SAMD12: variants seen among roughly 807,000 people sequenced by gnomAD.
SAMD12 encodes sterile alpha motif domain containing 12.
Under a neutral mutation model 15.0 loss-of-function variants are expected in SAMD12, and 9 were observed. That is an observed-to-expected ratio of 0.60 (90% CI 0.36 to 1.05). SAMD12 has a LOEUF of 1.05. Ranked by LOEUF, SAMD12 falls within the 50% of genes least tolerant of loss-of-function variation. The pLI is 0.01. For synonymous variants in SAMD12, 86 were observed against 90.1 expected, an observed-to-expected ratio of 0.96 and a Z score of 0.25; for missense variants, 230 against 234.2, an observed-to-expected ratio of 0.98 and a Z score of 0.12.
chr8:118,566,114 G>T (rs1826838951), intron 2 of SAMD12, among the ~76,000 whole-genome samples: 1 of 152,164 alleles, frequency 6.6e-6, no homozygotes, highest in Admixed American at 6.6e-5. Context: ...TGCACTAGGT[G>T]TAAAATTCAG....
At chr8:118,178,219 T>C in the SAMD12 span, among the ~76,000 whole-genome samples, 4 of 152,204 alleles carry the variant, frequency 2.6e-5, no homozygotes, top group Admixed American at 6.5e-5. Flanking sequence ...AAAACCTAAA[T>C]TGAGGTTATT....
Position 118,550,046 on chromosome 8 carries a change from G to A in SAMD12, c.192+30669C>T, listed in dbSNP as rs923811443. 1.1e-4 allele frequency among the ~76,000 whole-genome samples: 16 copies of A among 152,276 alleles called. No individual in the cohort carries two copies. The East Asian group carries it at 1.3e-3, about 13-fold the overall frequency. ...GACTATGTGAAAAGACCAAATCTAC[G>A]ACTGATTGGTGTACCTGAAAGTGAC... On this transcript the variant is annotated intron_variant, in intron 2 of 3. Transcript: ENST00000314727.
chr8:118,250,558 AG>A (rs1168975345), intron 4 of SAMD12, among the ~76,000 whole-genome samples: 1 of 150,748 alleles, frequency 6.6e-6, no homozygotes, highest in Non-Finnish European at 1.5e-5. Context: ...GCTGGAGTGC[AG>A]TGGTGCAATC....
intron 4 of SAMD12, among the ~76,000 whole-genome samples, chr8:118,218,864 T>G (rs968575286): frequency 1.3e-5 from 2 of 152,212 alleles, no homozygotes; most frequent in African/African-American, 4.8e-5. Context: ...CCATGAATCC[T>G]AAAGCACTTA....
intron 2 of SAMD12, among the ~76,000 whole-genome samples, chr8:118,572,509 G>A (rs530015791): frequency 6.6e-6 from 1 of 152,240 alleles, no homozygotes; most frequent in East Asian, 1.9e-4. Context: ...TGTTGCAGGA[G>A]GGACATAGTG....
chr8:118,571,570 G>A (rs1302555482), intron 2 of SAMD12, among the ~76,000 whole-genome samples: 2 of 152,224 alleles, frequency 1.3e-5, no homozygotes, highest in African/African-American at 4.8e-5. Context: ...CCGGGCCCAG[G>A]GTGCCCATGC....
intron 4 of SAMD12, among the ~76,000 whole-genome samples, chr8:118,217,066 C>T (rs972813048): frequency 7.9e-5 from 12 of 152,060 alleles, no homozygotes; most frequent in Non-Finnish European, 1.8e-4. Context: ...TGCAGTGGTG[C>T]GATCTCGGCT....
intron 4 of SAMD12, among the ~76,000 whole-genome samples, chr8:118,220,459 C>G (rs569482880): frequency 1.3e-5 from 2 of 152,292 alleles, no homozygotes; most frequent in South Asian, 4.1e-4. Flanking sequence ...TCCTAGGAAT[C>G]TATAGGCCCT....
At chr8:118,386,077 T>C (rs960307218) in intron 3 of SAMD12, among the ~76,000 whole-genome samples, 1 of 152,192 alleles carries the variant, frequency 6.6e-6, no homozygotes, top group African/African-American at 2.4e-5. Flanking sequence ...TGAGGGATAA[T>C]TGAGTCACAG....
At chr8:118,338,379 AATTTT>A (rs1817185375) in intron 4 of SAMD12, among the ~76,000 whole-genome samples, 1 of 152,240 alleles carries the variant, frequency 6.6e-6, no homozygotes. Context: ...GCAGCTATTT[AATTTT>A]AATAATATTT....
chr8:118,420,443 T>C (rs1009290052), intron 3 of SAMD12, among the ~76,000 whole-genome samples: 5 of 152,178 alleles, frequency 3.3e-5, no homozygotes, highest in African/African-American at 1.2e-4. Flanking sequence ...AACAGACACA[T>C]ATACCGCATC....
chr8:118,465,081 T>C (rs1045107977), intron 2 of SAMD12, among the ~76,000 whole-genome samples: 2 of 152,030 alleles, frequency 1.3e-5, no homozygotes, highest in Admixed American at 6.6e-5. Flanking sequence ...TGGCTGAAAA[T>C]TAGGATAATC....
rs532738220 is a variant in SAMD12 at position 118,342,099 on chromosome 8, G to A, written c.433+37461C>T. On this transcript the variant is annotated intron_variant, in intron 4 of 4. Transcript: ENST00000409003. ...GAGGTCAGGAGTTCGAGACCAGCCC[G>A]GCCAACATGGCAAAACCCCGTCTCT... Among the ~76,000 whole-genome samples the A allele has an allele frequency of 4.6e-5, 7 of 152,218 alleles. No homozygotes were observed. In the South Asian group the frequency reaches 1.5e-3, roughly 32 times the overall value.
chr8:118,486,774 G>C (rs1004092764), intron 2 of SAMD12, among the ~76,000 whole-genome samples: 1 of 152,132 alleles, frequency 6.6e-6, no homozygotes, highest in East Asian at 1.9e-4. Flanking sequence ...AAGATTTAAG[G>C]AAAGCAACAA....
At chr8:118,305,680 T>C (rs1815309436) in intron 4 of SAMD12, among the ~76,000 whole-genome samples, 1 of 152,186 alleles carries the variant, frequency 6.6e-6, no homozygotes, top group South Asian at 2.1e-4. Flanking sequence ...AGAAATAATG[T>C]CTAGAAAGGT....
At chr8:118,502,911 C>A (rs1179051720) in intron 2 of SAMD12, among the ~76,000 whole-genome samples, 1 of 152,150 alleles carries the variant, frequency 6.6e-6, no homozygotes. Flanking sequence ...CAGGAAATTT[C>A]AGGATAAGGA....
chr8:118,178,224 G>A, the SAMD12 span, among the ~76,000 whole-genome samples: 1 of 152,178 alleles, frequency 6.6e-6, no homozygotes, highest in Non-Finnish European at 1.5e-5. Context: ...CTAAATTGAG[G>A]TTATTAATCA....
chr8:118,584,410 T>C (rs978609601), intron 1 of SAMD12, among the ~76,000 whole-genome samples: 3 of 152,156 alleles, frequency 2.0e-5, no homozygotes, highest in Admixed American at 6.5e-5. Context: ...ATCACTGCCC[T>C]TTCTTGTTTT....
intron 2 of SAMD12, among the ~76,000 whole-genome samples, chr8:118,529,609 A>G (rs1023746070): frequency 2.0e-5 from 3 of 152,234 alleles, no homozygotes; most frequent in African/African-American, 7.2e-5. Context: ...ATGCACACAC[A>G]TTATTTAGCT....
Sources: allele counts gnomAD v4.1 joint callset (sites outside exome capture counted in the v4.1 genomes callset), GRCh38; gene constraint gnomAD v4.1.1; transcripts MANE v1.5; gene names NCBI Gene and HGNC (gene_info 2026-07-23, HGNC 2026-07-21).